Variants in CUX2 observed in about 807,000 individuals in gnomAD.
The protein encoded by CUX2 is cut like homeobox 2.
In CUX2, 40 loss-of-function variants were observed where a neutral mutation model predicts 144.8. That is an observed-to-expected ratio of 0.28 (90% CI 0.21 to 0.36). The LOEUF (loss-of-function observed/expected upper bound fraction) is 0.36. CUX2 is among the 10% of genes least tolerant of loss of function. The pLI is 1.00. For missense variants in CUX2, 1,615 were observed against 1,994.0 expected (o/e 0.81, Z 3.62); for synonymous variants, 827 against 875.6 (o/e 0.94, Z 0.98).
chr12:111,338,532 A>G lies in CUX2; in HGVS notation c.3385+58A>G, dbSNP rs952966318. On this transcript the variant is annotated intron_variant, in intron 20 of 21. Transcript: ENST00000261726. ...TGGGTCTCAGATTTTCCCCAGAACCATATCTAGCTGTAACCCACATAAACC... is the reference window on the plus strand; with the variant it reads ...TGGGTCTCAGATTTTCCCCAGAACCGTATCTAGCTGTAACCCACATAAACC... 1.1e-5 allele frequency: 16 copies of G among 1,518,566 alleles called. No homozygotes were observed. The African/African-American group carries it at 1.1e-4, about 10-fold the overall frequency. The allele number at this position is 1,518,566 out of a possible 1,614,324, so 94.1% of individuals were successfully genotyped here. A position where few individuals can be genotyped will look rare whatever the true frequency, so the allele number is the denominator to read the frequency against.
chr12:111,320,598 G>A lies in CUX2; in HGVS notation c.2589G>A (p.Ala863=), dbSNP rs1283884669. 7.2e-6 allele frequency: 11 copies of A among 1,535,668 alleles called. No homozygotes were observed. Among genetic ancestry groups the A allele is most frequent in the Non-Finnish European group, 6.1e-6 (7 of 1,149,840 alleles). The change falls in exon 17 of 22, where the codon GCG becomes GCA. Residue 863 remains alanine (A), a synonymous_variant. Coordinates refer to ENST00000261726, the MANE Select transcript of CUX2 (RefSeq NM_015267.4). The surrounding 1 kb of genome is among the most constrained non-coding windows in gnomAD (Gnocchi z 8.1). ...AGGGCGCGACGGCCGAGGCGGGCGC[G>A]CGGCTGCCCTACTACCCGGCCTACG... The part of the protein sequence containing the change: ...KAEGATAEAG[A]RLPYYPAYVP...
chr12:111,218,016 G>A (rs532299907), intron 3 of CUX2, 79 bp downstream of exon 3: 78 of 1,480,800 alleles, frequency 5.3e-5, no homozygotes, highest in Admixed American at 5.1e-4. Flanking sequence ...GTTGCCCAGG[G>A]GGGCCAGCAG....
chr12:111,289,407 G>C lies in CUX2; in HGVS notation c.302-2011G>C, dbSNP rs1181574203. 6.6e-6 allele frequency among the ~76,000 whole-genome samples: 1 copy of C among 152,160 alleles called. No individual in the cohort carries two copies. Among genetic ancestry groups the C allele is most frequent in the East Asian group, 1.9e-4 (1 of 5,200 alleles). ...TCTGAGCCTCAGTTTCCTCATCTGTGAAAATGCCTTGGATCCAAGCCAGCC... is the reference window on the plus strand; with the variant it reads ...TCTGAGCCTCAGTTTCCTCATCTGTCAAAATGCCTTGGATCCAAGCCAGCC... On this transcript the variant is annotated intron_variant, in intron 4 of 21. Transcript: ENST00000261726. This position sits in a 1 kb window ranked among gnomAD's most constrained non-coding sequence, Gnocchi z 4.1.
rs1269434572 is a variant in CUX2 at position 111,178,307 on chromosome 12, T to A, written c.64-35893T>A. Among the ~76,000 whole-genome samples, 5 of 152,256 alleles carry A rather than the reference T, an allele frequency of 3.3e-5. No homozygotes were observed. On this transcript the variant is annotated intron_variant, in intron 1 of 21. Transcript: ENST00000261726. This position sits in a 1 kb window ranked among gnomAD's most constrained non-coding sequence, Gnocchi z 5.7. Reference sequence around the variant, plus strand: ...TCTTGGCTGGAGTGTATGATAAATCTAATATACTGTGGCCTCTCTGTATGA... The same window carrying A: ...TCTTGGCTGGAGTGTATGATAAATCAAATATACTGTGGCCTCTCTGTATGA...
In CUX2 at chr12:111,037,867, T is replaced by TG. The variant is rs1350589643; in HGVS notation, c.63+3633dup. Among the ~76,000 whole-genome samples, 3 of 152,150 alleles carry TG rather than the reference T, an allele frequency of 2.0e-5. 1 individual carries two copies. Among genetic ancestry groups the TG allele is most frequent in the Non-Finnish European group, 1.5e-5 (1 of 68,018 alleles). On this transcript the variant is annotated intron_variant, in intron 1 of 21. Transcript: ENST00000261726. The surrounding 1 kb of genome is among the most constrained non-coding windows in gnomAD (Gnocchi z 5.4). Reference sequence around the variant, plus strand: ...AGGGTTAATTGAGCTAACAATGAGCTGGGGGGCACCCAGTCCAAATGAGGG... The same window carrying TG: ...AGGGTTAATTGAGCTAACAATGAGCTGGGGGGGCACCCAGTCCAAATGAGGG...
chr12:111,265,892 C>A (rs971309729), intron 4 of CUX2, among the ~76,000 whole-genome samples: 9 of 151,972 alleles, frequency 5.9e-5, no homozygotes, highest in Non-Finnish European at 8.8e-5. Flanking sequence ...GACATCCCAC[C>A]CTCAGCTGTC....
At chr12:111,081,016 A>G (rs1257170551) in intron 1 of CUX2, among the ~76,000 whole-genome samples, 4 of 152,200 alleles carry the variant, frequency 2.6e-5, no homozygotes, top group Non-Finnish European at 5.9e-5. Context: ...TTCAATACAT[A>G]GGAGCTCTTA....
intron 1 of CUX2, among the ~76,000 whole-genome samples, chr12:111,169,458 C>T (rs1878375637): frequency 6.6e-6 from 1 of 152,152 alleles, no homozygotes; most frequent in African/African-American, 2.4e-5. Context: ...CACCATGCCC[C>T]AGAAAAGCAG....
chr12:111,276,836 C>T (rs539989425), intron 4 of CUX2, among the ~76,000 whole-genome samples: 7 of 152,062 alleles, frequency 4.6e-5, no homozygotes, highest in East Asian at 3.9e-4. Flanking sequence ...TTAGTAGAGA[C>T]GGGGTGTCAC....
At chr12:111,222,420 T>C (rs1297389935) in intron 3 of CUX2, among the ~76,000 whole-genome samples, 1 of 152,232 alleles carries the variant, frequency 6.6e-6, no homozygotes, top group Non-Finnish European at 1.5e-5. Context: ...GGAGATTTTC[T>C]TTTTCTCTGC....
intron 1 of CUX2, among the ~76,000 whole-genome samples, chr12:111,098,330 G>A (rs922073062): frequency 5.9e-5 from 9 of 151,964 alleles, no homozygotes; most frequent in Admixed American, 4.6e-4. Context: ...AACCTGGGAG[G>A]TAGAGGTTAC....
intron 19 of CUX2, among the ~76,000 whole-genome samples, chr12:111,337,364 AAAAAG>A (rs1216516308): frequency 5.9e-4 from 89 of 151,800 alleles, no homozygotes; most frequent in African/African-American, 2.1e-3. Context: ...AAAAAAAAAA[AAAAAG>A]AAAAGAAAAA....
In CUX2 at chr12:111,120,910, C is replaced by T. The variant is rs373582151; in HGVS notation, c.63+86670C>T. ...TTGTGCCTCCAGTAATGAACAAAAACCAAACCACACTGAAACCAGCCCGGG... is the reference window on the plus strand; with the variant it reads ...TTGTGCCTCCAGTAATGAACAAAAATCAAACCACACTGAAACCAGCCCGGG... On this transcript the variant is annotated intron_variant, in intron 1 of 21. Transcript: ENST00000261726. Among the ~76,000 whole-genome samples the T allele has an allele frequency of 3.9e-5, 6 of 152,176 alleles. No individual in the cohort carries two copies. The East Asian group carries it at 9.7e-4, about 24-fold the overall frequency.
At chr12:111,341,545 C>T (rs567321044) in intron 20 of CUX2, among the ~76,000 whole-genome samples, 1 of 152,006 alleles carries the variant, frequency 6.6e-6, no homozygotes, top group African/African-American at 2.4e-5. Flanking sequence ...TCGCTCATGC[C>T]AGGGCTCCCG....
At chr12:111,215,804 G>A (rs1000331399) in intron 2 of CUX2, among the ~76,000 whole-genome samples, 1 of 152,150 alleles carries the variant, frequency 6.6e-6, no homozygotes, top group African/African-American at 2.4e-5. Context: ...CTTCCTTCTA[G>A]CCCAACTGAC....
chr12:111,331,605 C>T (rs189617757), intron 18 of CUX2, among the ~76,000 whole-genome samples: 17 of 152,000 alleles, frequency 1.1e-4, no homozygotes, highest in East Asian at 3.9e-4. Flanking sequence ...CCTTGCCCCA[C>T]GTTATCTCAT....
In CUX2 at chr12:111,295,532, G is replaced by A. The variant is rs1481503685; in HGVS notation, c.637+123G>A. On this transcript the variant is annotated intron_variant, in intron 7 of 21. Coordinates refer to ENST00000261726, the MANE Select transcript of CUX2 (RefSeq NM_015267.4). This position sits in a 1 kb window ranked among gnomAD's most constrained non-coding sequence, Gnocchi z 5.0. ...TTTTAGAATCAAGAGGGCAAAATGG[G>A]AGTTTGGGAAGAATAATCTTACCCA... The A allele has an allele frequency of 7.7e-6, 6 of 782,552 alleles. No homozygotes were observed. Among genetic ancestry groups the A allele is most frequent in the Middle Eastern group, 2.3e-4 (1 of 4,310 alleles). The allele number at this position is 782,552 out of a possible 1,614,324, so 48.5% of individuals were successfully genotyped here. A position where few individuals can be genotyped will look rare whatever the true frequency, so the allele number is the denominator to read the frequency against.
At chr12:111,074,052 A>T (rs946205908) in intron 1 of CUX2, among the ~76,000 whole-genome samples, 4 of 150,878 alleles carry the variant, frequency 2.7e-5, no homozygotes, top group Non-Finnish European at 1.5e-5. Context: ...AAAAAAAAAA[A>T]TCATACATTG....
Position 111,347,741 on chromosome 12 carries a change from A to G in CUX2, c.3877A>G (p.Lys1293Glu). The G allele has an allele frequency of 6.2e-7, 1 of 1,613,610 alleles. No homozygotes were observed. Among genetic ancestry groups the G allele is most frequent in the African/African-American group, 1.3e-5 (1 of 74,876 alleles). ...ENSTPLTTQD[K>E]AQVRIKQEQM... ...CAGCACACCCCTGACCACCCAGGAC[A>G]AGGCCCAAGTGAGGATCAAGCAGGA... Residue 1293 changes from lysine (K) to glutamate (E), a missense_variant, in exon 22 of 22, where the codon AAG (lysine) becomes GAG (glutamate). This residue lies in a region of CUX2 where 298 missense variants were observed against 330.4 expected (regional missense o/e 0.90). Coordinates refer to ENST00000261726, the MANE Select transcript of CUX2 (RefSeq NM_015267.4).
Sources: gnomAD v4.1 joint callset for allele counts (sites outside exome capture counted in the v4.1 genomes callset) on GRCh38, gnomAD v4.1.1 for gene constraint, gnomAD v4.1.1 regional missense constraint, Gnocchi (gnomAD v3.1) non-coding constraint, MANE v1.5 for transcripts, NCBI Gene and HGNC (gene_info 2026-07-23, HGNC 2026-07-21) for gene names.